Variants in AGBL4 observed in about 807,000 individuals in gnomAD.
AGBL4 encodes AGBL carboxypeptidase 4.
In AGBL4, 58 loss-of-function variants were observed where a neutral mutation model predicts 66.4. The observed-to-expected ratio is 0.87, with a 90% CI of 0.71 to 1.09. The LOEUF (loss-of-function observed/expected upper bound fraction) is 1.09. AGBL4 is among the 50% of genes least tolerant of loss of function. The probability of loss-of-function intolerance (pLI) is 0.00; values close to 1 mark genes in which losing one functional copy is unlikely to be tolerated. For synonymous variants in AGBL4, 234 were observed against 222.9 expected (o/e 1.05, Z -0.44); for missense variants, 579 against 631.0 (o/e 0.92, Z 0.88).
chr1:48,961,164 C>A (rs1657948129), intron 5 of AGBL4, among the ~76,000 whole-genome samples: 1 of 151,942 alleles, frequency 6.6e-6, no homozygotes, highest in Non-Finnish European at 1.5e-5. Context: ...TAGAACACTG[C>A]AGGAACATGG....
intron 2 of AGBL4, among the ~76,000 whole-genome samples, chr1:49,822,102 T>A (rs1009382809): frequency 5.9e-5 from 9 of 152,058 alleles, no homozygotes; most frequent in Non-Finnish European, 1.2e-4. Flanking sequence ...AACCTATGAA[T>A]GAGAAAATTC....
intron 3 of AGBL4, among the ~76,000 whole-genome samples, chr1:49,395,766 CATATATATACATGTGTATATATGT>C (rs1259666740): frequency 7.3e-6 from 1 of 136,908 alleles, no homozygotes; most frequent in Non-Finnish European, 1.5e-5. Context: ...TATATATACA[CATATATATACATGTGTATATATGT>C]ATATATATAC....
At chr1:48,658,722 A>T (rs1646059068) in intron 7 of AGBL4, among the ~76,000 whole-genome samples, 1 of 152,112 alleles carries the variant, frequency 6.6e-6, no homozygotes, top group Non-Finnish European at 1.5e-5. Flanking sequence ...TGAAGAAGAG[A>T]GGTGGGAGGA....
At chr1:48,906,755 T>C (rs774535053) in intron 5 of AGBL4, among the ~76,000 whole-genome samples, 1 of 152,218 alleles carries the variant, frequency 6.6e-6, no homozygotes, top group Admixed American at 6.5e-5. Context: ...AATAAAATGA[T>C]TTGCATTAAT....
rs148968303 is a variant in AGBL4 at position 48,759,153 on chromosome 1, C to T, written c.635-95912G>A. The T allele has an allele frequency of 1.5e-4, 237 of 1,614,050 alleles. 3 individuals carry two copies. In the African/African-American group the frequency reaches 2.6e-3, roughly 18 times the overall value. Reference sequence around the variant, plus strand: ...GACTGTCCATGTCCTCTGTGCCTGGCGAGGCCTCCACGAAGACCTCTTCCG... The same window carrying T: ...GACTGTCCATGTCCTCTGTGCCTGGTGAGGCCTCCACGAAGACCTCTTCCG... On this transcript the variant is annotated intron_variant, in intron 6 of 13. Coordinates refer to ENST00000371839, the MANE Select transcript of AGBL4 (RefSeq NM_032785.4).
intron 6 of AGBL4, among the ~76,000 whole-genome samples, chr1:48,691,066 G>A (rs969223524): frequency 6.6e-6 from 1 of 150,400 alleles, no homozygotes; most frequent in Non-Finnish European, 1.5e-5. Context: ...TCCAGAGGCT[G>A]AGGCAGAAGA....
At chr1:49,487,867 A>G (rs1236701819) in intron 3 of AGBL4, among the ~76,000 whole-genome samples, 1 of 151,900 alleles carries the variant, frequency 6.6e-6, no homozygotes, top group African/African-American at 2.4e-5. Context: ...CGACCCCATG[A>G]TCATGATCAT....
intron 12 of AGBL4, among the ~76,000 whole-genome samples, chr1:48,537,214 A>G (rs539780280): frequency 4.6e-5 from 7 of 152,328 alleles, no homozygotes; most frequent in Admixed American, 2.6e-4. Flanking sequence ...TTACTGACCA[A>G]TCTAGAGCTA....
At chr1:48,949,958 A>T (rs1656828316) in intron 5 of AGBL4, among the ~76,000 whole-genome samples, 1 of 152,210 alleles carries the variant, frequency 6.6e-6, no homozygotes, top group South Asian at 2.1e-4. Context: ...GTCTGAACCT[A>T]TAGGCAGAAG....
At chr1:48,854,730 TC>T (rs1226542394) in intron 6 of AGBL4, among the ~76,000 whole-genome samples, 1 of 152,184 alleles carries the variant, frequency 6.6e-6, no homozygotes, top group Non-Finnish European at 1.5e-5. Flanking sequence ...AAAGATGGGT[TC>T]ATTATGACTC....
chr1:49,664,758 A>T (rs1375005370), intron 3 of AGBL4, among the ~76,000 whole-genome samples: 1 of 152,126 alleles, frequency 6.6e-6, no homozygotes, highest in Non-Finnish European at 1.5e-5. Context: ...TTTAGTTAAG[A>T]ATTTTAGCCA....
At chr1:48,586,950 G>T (rs2148340616) in intron 11 of AGBL4, 54 bp downstream of exon 11, 1 of 1,603,610 alleles carries the variant, frequency 6.2e-7, no homozygotes, top group Admixed American at 1.7e-5. Flanking sequence ...GTCAGACTTG[G>T]ATACTCTCGG....
chr1:48,546,480 T>C lies in AGBL4; in HGVS notation c.1268-6742A>G, dbSNP rs555195810. Among the ~76,000 whole-genome samples, 13 of 152,220 alleles carry C rather than the reference T, an allele frequency of 8.5e-5. 1 individual carries two copies. The highest frequency in any genetic ancestry group is 2.0e-4 in the Admixed American group (3 of 15,300). ...AAAGCGGGTGGAAGAGAAAGACAAG[T>C]ATCAGCAGAGAAACGGAGTGCGGTC... On this transcript the variant is annotated intron_variant, in intron 11 of 13. Coordinates refer to ENST00000371839, the MANE Select transcript of AGBL4 (RefSeq NM_032785.4).
At chr1:49,539,942 G>T (rs1218345875) in intron 3 of AGBL4, among the ~76,000 whole-genome samples, 1 of 152,166 alleles carries the variant, frequency 6.6e-6, no homozygotes, top group Non-Finnish European at 1.5e-5. Context: ...TTCATATGGG[G>T]CTCAGAGGAG....
chr1:49,008,307 A>T (rs1011415394), intron 5 of AGBL4, among the ~76,000 whole-genome samples: 1 of 152,106 alleles, frequency 6.6e-6, no homozygotes, highest in Non-Finnish European at 1.5e-5. Flanking sequence ...TAAAGGGATC[A>T]ATTCAACAAG....
At chr1:49,233,638 G>T (rs1414164587) in intron 4 of AGBL4, among the ~76,000 whole-genome samples, 1 of 152,144 alleles carries the variant, frequency 6.6e-6, no homozygotes, top group Non-Finnish European at 1.5e-5. Context: ...TGTAATTTAG[G>T]CAGAGTAAGC....
At chr1:48,606,983 T>G (rs1645163458) in intron 9 of AGBL4, among the ~76,000 whole-genome samples, 1 of 152,156 alleles carries the variant, frequency 6.6e-6, no homozygotes, top group Admixed American at 6.5e-5. Flanking sequence ...ACTTTATGTC[T>G]CCAATTCTCA....
At chr1:49,528,141 TA>T (rs1450710443) in intron 3 of AGBL4, among the ~76,000 whole-genome samples, 2 of 152,034 alleles carry the variant, frequency 1.3e-5, no homozygotes, top group Admixed American at 1.3e-4. Context: ...GGGTAGATTA[TA>T]AGATAAAGAG....
intron 6 of AGBL4, among the ~76,000 whole-genome samples, chr1:48,733,899 A>C (rs1416590800): frequency 6.6e-6 from 1 of 152,226 alleles, no homozygotes; most frequent in Non-Finnish European, 1.5e-5. Flanking sequence ...TGAATCAGAT[A>C]CAGTCCCCAG....
Sources: gnomAD v4.1 joint callset for allele counts (sites outside exome capture counted in the v4.1 genomes callset) on GRCh38, gnomAD v4.1.1 for gene constraint, MANE v1.5 for transcripts, NCBI Gene and HGNC (gene_info 2026-07-23, HGNC 2026-07-21) for gene names.